The following LRMDA variants were observed in gnomAD, a reference collection of about 807,000 sequenced individuals.
LRMDA encodes the protein leucine-rich melanocyte differentiation-associated protein.
In LRMDA, 18 loss-of-function variants were observed where a neutral mutation model predicts 29.8. The observed-to-expected ratio is 0.60, with a 90% CI of 0.42 to 0.90. LRMDA has a LOEUF of 0.90. Among genes scored for constraint, LRMDA ranks in the 40% least tolerant of loss-of-function variants. The pLI is 0.00. For missense variants in LRMDA, 273 were observed against 273.9 expected (o/e 1.00, Z 0.02); for synonymous variants, 125 against 109.4 (o/e 1.14, Z -0.89).
At chr10:76,309,474 T>C (rs1383845928) in intron 5 of LRMDA, among the ~76,000 whole-genome samples, 1 of 151,944 alleles carries the variant, frequency 6.6e-6, no homozygotes, top group Non-Finnish European at 1.5e-5. Context: ...TAGAGGAAAT[T>C]AGTGGGAGCA....
At chr10:76,456,005 T>C (rs1226398090) in intron 6 of LRMDA, among the ~76,000 whole-genome samples, 1 of 152,146 alleles carries the variant, frequency 6.6e-6, no homozygotes, top group Admixed American at 6.5e-5. Context: ...CCAACCCTGC[T>C]AGTATTTCTC....
intron 2 of LRMDA, among the ~76,000 whole-genome samples, chr10:75,718,346 G>A (rs949928986): frequency 4.6e-5 from 7 of 152,128 alleles, no homozygotes; most frequent in Non-Finnish European, 1.0e-4. Context: ...TCTCAGTTCA[G>A]GTCAGAGACT....
intron 2 of LRMDA, among the ~76,000 whole-genome samples, chr10:75,605,194 G>T (rs1484184346): frequency 1.3e-5 from 2 of 152,174 alleles, no homozygotes; most frequent in Non-Finnish European, 2.9e-5. Context: ...ATAGAGACTT[G>T]AATTCTAAAT....
chr10:75,483,705 A>T (rs1382406848), intron 2 of LRMDA, among the ~76,000 whole-genome samples: 2 of 152,210 alleles, frequency 1.3e-5, no homozygotes, highest in South Asian at 2.1e-4. Flanking sequence ...CTAATTTTAT[A>T]ATAAGCCACC....
chr10:76,095,136 C>T (rs912434051), intron 5 of LRMDA, among the ~76,000 whole-genome samples: 2 of 152,196 alleles, frequency 1.3e-5, no homozygotes, highest in African/African-American at 4.8e-5. Flanking sequence ...TAGTAGTCAA[C>T]CATCCCCAAC....
chr10:75,778,888 G>T (rs868027071), intron 2 of LRMDA, among the ~76,000 whole-genome samples: 1 of 152,186 alleles, frequency 6.6e-6, no homozygotes, highest in African/African-American at 2.4e-5. Flanking sequence ...TGGGCCAGAA[G>T]GGAAGGGATC....
intron 2 of LRMDA, among the ~76,000 whole-genome samples, chr10:75,556,049 C>T (rs1469152136): frequency 2.0e-5 from 3 of 151,910 alleles, no homozygotes; most frequent in Admixed American, 2.0e-4. Context: ...ATCAGTGGGA[C>T]AATATCAGAA....
intron 2 of LRMDA, among the ~76,000 whole-genome samples, chr10:76,021,300 G>A (rs1375505663): frequency 6.6e-6 from 1 of 152,194 alleles, no homozygotes; most frequent in Non-Finnish European, 1.5e-5. Flanking sequence ...GCAGGTGGGG[G>A]CATTTCAAGT....
chr10:76,009,428 G>A lies in LRMDA; in HGVS notation c.132-26580G>A, dbSNP rs115492909. Among the ~76,000 whole-genome samples, 225 of 152,320 alleles carry A rather than the reference G, an allele frequency of 1.5e-3. 1 individual carries two copies. The highest frequency in any genetic ancestry group is 5.0e-3 in the African/African-American group (209 of 41,588). ...TTAGCCAGGAATGGTGCAGAAAAGTGTGATGTCTTAAAATTCGAAGCTAGG... is the reference window on the plus strand; with the variant it reads ...TTAGCCAGGAATGGTGCAGAAAAGTATGATGTCTTAAAATTCGAAGCTAGG... On this transcript the variant is annotated intron_variant, in intron 2 of 6. Transcript: ENST00000611255.
At chr10:75,549,106 A>G (rs572235986) in intron 2 of LRMDA, among the ~76,000 whole-genome samples, 102 of 152,042 alleles carry the variant, frequency 6.7e-4, no homozygotes, top group Non-Finnish European at 1.2e-3. Flanking sequence ...TCAAAAGCAT[A>G]ATGCTTTTGA....
chr10:75,542,909 CT>C (rs1840035478), intron 2 of LRMDA, among the ~76,000 whole-genome samples: 1 of 152,200 alleles, frequency 6.6e-6, no homozygotes, highest in African/African-American at 2.4e-5. Context: ...CGCAGCCTGC[CT>C]GTGTGCTGTG....
chr10:76,123,634 A>G (rs1849828715), intron 5 of LRMDA, among the ~76,000 whole-genome samples: 1 of 152,238 alleles, frequency 6.6e-6, no homozygotes, highest in African/African-American at 2.4e-5. Context: ...TGTGCTTTAT[A>G]CATAAAAGGT....
At chr10:76,135,630 C>T (rs1346017757) in intron 5 of LRMDA, among the ~76,000 whole-genome samples, 1 of 149,684 alleles carries the variant, frequency 6.7e-6, no homozygotes, top group Non-Finnish European at 1.5e-5. Context: ...CTTCTGAGCG[C>T]TGTGAGGGAG....
intron 2 of LRMDA, among the ~76,000 whole-genome samples, chr10:75,664,455 G>T (rs1326526356): frequency 6.6e-6 from 1 of 152,154 alleles, no homozygotes; most frequent in Non-Finnish European, 1.5e-5. Flanking sequence ...GACTTTGCCT[G>T]GATTAACTCA....
At position 75,810,312 on chromosome 10, in the gene LRMDA, G is replaced by C. The variant is rs150165111; in HGVS notation, c.132-225696G>C. Among the ~76,000 whole-genome samples, 360 of 152,312 alleles carry C rather than the reference G, an allele frequency of 2.4e-3. 1 individual carries two copies. Among genetic ancestry groups the C allele is most frequent in the African/African-American group, 8.3e-3 (346 of 41,576 alleles). On this transcript the variant is annotated intron_variant, in intron 2 of 6. Transcript: ENST00000611255. ...ATTTTGCAGTCACACTGGCTGCAGT[G>C]TGCAGGGCAGACTGGGTAGGTAGCA...
chr10:76,217,964 G>A lies in LRMDA; in HGVS notation c.517-106437G>A, dbSNP rs1851759521. ...AATCCATAAGAAGCCCCATCCAGGT[G>A]TAATGGATAGAAGGAAGATCTGAAA... is the stretch of plus-strand genomic sequence containing the variant. On this transcript the variant is annotated intron_variant, in intron 5 of 6. Coordinates refer to ENST00000611255, the MANE Select transcript of LRMDA (RefSeq NM_001305581.2). Among the ~76,000 whole-genome samples, 3 of 152,298 alleles carry A rather than the reference G, an allele frequency of 2.0e-5. No homozygotes were observed. The South Asian group carries it at 6.2e-4, about 32-fold the overall frequency.
At chr10:76,168,797 C>G (rs1183714334) in intron 5 of LRMDA, among the ~76,000 whole-genome samples, 1 of 152,208 alleles carries the variant, frequency 6.6e-6, no homozygotes, top group African/African-American at 2.4e-5. Flanking sequence ...CTCTTCCACA[C>G]ATTCTTTTGC....
chr10:75,807,708 G>A (rs901962507), intron 2 of LRMDA, among the ~76,000 whole-genome samples: 13 of 152,140 alleles, frequency 8.5e-5, no homozygotes, highest in African/African-American at 3.1e-4. Flanking sequence ...GTGGGAATGG[G>A]GCAGAAGAAT....
chr10:75,792,610 A>C (rs1273038982), intron 2 of LRMDA, among the ~76,000 whole-genome samples: 1 of 152,156 alleles, frequency 6.6e-6, no homozygotes, highest in Non-Finnish European at 1.5e-5. Flanking sequence ...AAAGGGAAAC[A>C]GACCTGTATG....
Sources: gnomAD v4.1 joint callset for allele counts (sites outside exome capture counted in the v4.1 genomes callset) on GRCh38, gnomAD v4.1.1 for gene constraint, MANE v1.5 for transcripts, NCBI Gene and HGNC (gene_info 2026-07-23, HGNC 2026-07-21) for gene names.